The following MBD2 variants were observed in gnomAD, a reference collection of about 807,000 sequenced individuals.
MBD2 encodes the protein methyl-CpG-binding domain protein 2.
In MBD2, 9 loss-of-function variants were observed where a neutral mutation model predicts 39.3. The observed-to-expected ratio is 0.23, with a 90% confidence interval of 0.14 to 0.40. The LOEUF (loss-of-function observed/expected upper bound fraction) is 0.40, where lower values mean the gene tolerates loss of function less well. Ranked by LOEUF, MBD2 falls within the 10% of genes least tolerant of loss-of-function variation. The pLI is 1.00. For missense variants in MBD2, 458 were observed against 532.6 expected (o/e 0.86, Z 1.38); for synonymous variants, 233 against 211.1 (o/e 1.10, Z -0.90).
intron 1 of MBD2, among the ~76,000 whole-genome samples, chr18:54,221,176 G>A (rs907096233): frequency 2.0e-5 from 3 of 152,188 alleles, no homozygotes; most frequent in Admixed American, 6.5e-5. Context: ...ATCATATCGG[G>A]GCCGGGCGCG....
chr18:54,175,692 CT>C (rs1225380121), intron 3 of MBD2, among the ~76,000 whole-genome samples: 1 of 152,140 alleles, frequency 6.6e-6, no homozygotes, highest in Non-Finnish European at 1.5e-5. Flanking sequence ...TCTATTCATT[CT>C]TTTCCTTCTA....
intron 2 of MBD2, among the ~76,000 whole-genome samples, chr18:54,201,880 A>C (rs1432720820): frequency 3.3e-5 from 5 of 151,338 alleles, no homozygotes; most frequent in Admixed American, 2.6e-4. Context: ...AAAAAAAAAG[A>C]CATCTTTCCA....
chr18:54,223,966 C>A, intron 1 of MBD2, 52 bp downstream of exon 1: 1 of 1,463,606 alleles, frequency 6.8e-7, no homozygotes, highest in Non-Finnish European at 9.3e-7. Context: ...CCGCTCTTGA[C>A]CCCTGACCCC....
At chr18:54,215,963 G>C (rs1011642893) in intron 1 of MBD2, among the ~76,000 whole-genome samples, 1 of 151,244 alleles carries the variant, frequency 6.6e-6, no homozygotes, top group Non-Finnish European at 1.5e-5. Context: ...CACCATGCCC[G>C]GCTAATTTTT....
chr18:54,170,131 T>A (rs1210936667), intron 3 of MBD2, among the ~76,000 whole-genome samples: 1 of 152,218 alleles, frequency 6.6e-6, no homozygotes, highest in Non-Finnish European at 1.5e-5. Context: ...CTGCAGTTCA[T>A]CTCTACACAT....
chr18:54,157,346 C>T (rs1031506296), intron 6 of MBD2, among the ~76,000 whole-genome samples: 5 of 151,936 alleles, frequency 3.3e-5, no homozygotes, highest in Non-Finnish European at 7.4e-5. Flanking sequence ...CTGCAACCTC[C>T]GCCTCCCAGG....
rs1002929606 is a variant in MBD2, at chr18:54,224,220, CGCCGCCGCA to C, written c.331_339del (p.Cys111_Gly113del). On this transcript the variant is annotated inframe_deletion, in exon 1 of 7. Transcript: ENST00000256429. ...GGGGCGCCGCCGCCACCGCTGCCGC[CGCCGCCGCA>C]GCCGCCGCCGTCGCCGCCAAGGCCG... 28 of 1,102,598 alleles carry C rather than the reference CGCCGCCGCA, an allele frequency of 2.5e-5. No individual in the cohort carries two copies. Among genetic ancestry groups the C allele is most frequent in the African/African-American group, 8.4e-5 (5 of 59,860 alleles). 68.3% of individuals were successfully genotyped at this position (1,102,598 alleles called of 1,614,324 possible).
At chr18:54,179,957 C>A (rs183153662) in intron 3 of MBD2, among the ~76,000 whole-genome samples, 101 of 33,154 alleles carry the variant, frequency 3.0e-3, no homozygotes, top group African/African-American at 0.016. Context: ...GAAAAACTCT[C>A]ATTGACAGAT....
intron 3 of MBD2, among the ~76,000 whole-genome samples, chr18:54,187,277 C>G (rs1396790384): frequency 1.3e-5 from 2 of 152,134 alleles, no homozygotes; most frequent in Non-Finnish European, 2.9e-5. Context: ...AAATTTCCAA[C>G]GTGGAATGAT....
intron 4 of MBD2, among the ~76,000 whole-genome samples, chr18:54,164,935 A>T (rs1345718010): frequency 2.6e-5 from 4 of 152,220 alleles, no homozygotes; most frequent in African/African-American, 9.6e-5. Context: ...TTAAAAAACA[A>T]ATCCTCATGC....
At chr18:54,220,167 T>A (rs1436929221) in intron 1 of MBD2, among the ~76,000 whole-genome samples, 2 of 151,918 alleles carry the variant, frequency 1.3e-5, no homozygotes, top group Non-Finnish European at 2.9e-5. Context: ...AGAAAATATC[T>A]CAAAAATATC....
At chr18:54,193,859 A>G (rs1382771824) in intron 2 of MBD2, among the ~76,000 whole-genome samples, 1 of 152,204 alleles carries the variant, frequency 6.6e-6, no homozygotes, top group Admixed American at 6.5e-5. Context: ...GAAAATCGAT[A>G]AAGACACTAA....
intron 2 of MBD2, among the ~76,000 whole-genome samples, chr18:54,190,425 G>A (rs1457095246): frequency 3.3e-5 from 5 of 152,184 alleles, no homozygotes; most frequent in Admixed American, 1.3e-4. Flanking sequence ...GCGTGAGTGC[G>A]ACCTGTGATG....
intron 2 of MBD2, among the ~76,000 whole-genome samples, chr18:54,201,441 T>C (rs1425868692): frequency 6.6e-6 from 1 of 151,988 alleles, no homozygotes; most frequent in African/African-American, 2.4e-5. Context: ...CAGGGTAAGG[T>C]TAAGATTGAG....
chr18:54,165,902 T>A (rs1007061074), intron 4 of MBD2, among the ~76,000 whole-genome samples, 174 bp downstream of exon 4: 3 of 152,252 alleles, frequency 2.0e-5, no homozygotes, highest in Non-Finnish European at 4.4e-5. Flanking sequence ...AAGTTTCTCA[T>A]GTACCTTCTT....
intron 5 of MBD2, chr18:54,160,187 A>G (rs1178388374): frequency 6.2e-6 from 2 of 322,370 alleles, no homozygotes; most frequent in Admixed American, 4.2e-5. Flanking sequence ...GAAAATGTCA[A>G]CTGTGTCAAG....
chr18:54,166,068 G>A lies in MBD2; in HGVS notation c.931+8C>T. On this transcript the variant is annotated splice_region_variant and intron_variant, in intron 4 of 6. Coordinates refer to ENST00000256429, the MANE Select transcript of MBD2 (RefSeq NM_003927.5). Reference sequence around the variant, plus strand: ...ATAAATGTCTGCTCAACTGAACTTAGATAATACCTTGAAGACCTTTGGGTA... The same window carrying A: ...ATAAATGTCTGCTCAACTGAACTTAAATAATACCTTGAAGACCTTTGGGTA... 1 of 1,588,584 alleles carries A rather than the reference G, an allele frequency of 6.3e-7. No homozygotes were observed. The highest frequency in any genetic ancestry group is 1.1e-5 in the South Asian group (1 of 90,324).
In MBD2 at chr18:54,224,006, C is replaced by A; in HGVS notation, c.542+12G>T. 6.3e-7 allele frequency: 1 copy of A among 1,597,994 alleles called. No homozygotes were observed. The highest frequency in any genetic ancestry group is 8.5e-7 in the Non-Finnish European group (1 of 1,171,988). On this transcript the variant is annotated intron_variant, in intron 1 of 6. Coordinates refer to ENST00000256429, the MANE Select transcript of MBD2 (RefSeq NM_003927.5). Reference sequence around the variant, plus strand: ...TGACCCCGCCACCCCCTCCCCGCCCCCAGGGAGGTACCTGAAGTAGTAGAC... The same window carrying A: ...TGACCCCGCCACCCCCTCCCCGCCCACAGGGAGGTACCTGAAGTAGTAGAC...
At chr18:54,179,919 ATTG>A (rs2086238169) in intron 3 of MBD2, among the ~76,000 whole-genome samples, 1 of 152,038 alleles carries the variant, frequency 6.6e-6, no homozygotes, top group South Asian at 2.1e-4. Flanking sequence ...AGGTTTAAAT[ATTG>A]TTAAGAAAGA....
Sources: gnomAD v4.1 joint callset for allele counts (sites outside exome capture counted in the v4.1 genomes callset) on GRCh38, gnomAD v4.1.1 for gene constraint, MANE v1.5 for transcripts, NCBI Gene and HGNC (gene_info 2026-07-23, HGNC 2026-07-21) for gene names.